CCSAP: variants seen among roughly 807,000 people sequenced by gnomAD.
CCSAP encodes the protein centriole, cilia and spindle associated protein.
A neutral mutation model predicts 25.9 loss-of-function variants in CCSAP; 17 were observed. The ratio of observed to expected loss-of-function variants is 0.66; its 90% CI spans 0.45 to 0.99. The LOEUF (loss-of-function observed/expected upper bound fraction) is 0.99. CCSAP is among the 50% of genes least tolerant of loss of function. The pLI is 0.00. For missense variants in CCSAP, 339 were observed against 367.8 expected (o/e 0.92, Z 0.64); for synonymous variants, 169 against 157.1 (o/e 1.08, Z -0.57).
In CCSAP at chr1:229,324,504, CATATT is replaced by C. The variant is rs1289615002; in HGVS notation, c.*726_*730del. The C allele has an allele frequency of 2.0e-5, 3 of 151,950 alleles. 1 individual carries two copies. Among genetic ancestry groups the C allele is most frequent in the African/African-American group, 7.3e-5 (3 of 41,206 alleles). 9.4% of individuals were successfully genotyped at this position (151,950 alleles called of 1,614,324 possible). ...AGAAACTTTACTACTACTGTACACA[CATATT>C]GTGTTGTGTGCACTTCGTCTATTGG... On this transcript the variant is annotated 3_prime_UTR_variant, in exon 4 of 4. Coordinates refer to ENST00000284617, the MANE Select transcript of CCSAP (RefSeq NM_145257.5).
intron 2 of CCSAP, among the ~76,000 whole-genome samples, chr1:229,329,873 C>A (rs1471345242): frequency 6.6e-6 from 1 of 152,204 alleles, no homozygotes; most frequent in Non-Finnish European, 1.5e-5. Flanking sequence ...CGCCTGTGAT[C>A]TCACCTATTT....
In CCSAP at chr1:229,321,695, TCAA is replaced by T. The variant is rs1213748172; in HGVS notation, c.*3537_*3539del. 6.6e-6 allele frequency: 1 copy of T among 152,206 alleles called. No individual in the cohort carries two copies. Among genetic ancestry groups the T allele is most frequent in the African/African-American group, 2.4e-5 (1 of 41,454 alleles). 9.4% of individuals were successfully genotyped at this position (152,206 alleles called of 1,614,324 possible). ...ATCAAACTGTTTTTTACCAAAGCAG[TCAA>T]CAAGAAAAATTGTTTTACTTCTGAT... On this transcript the variant is annotated 3_prime_UTR_variant, in exon 4 of 4. Transcript: ENST00000284617.
intron 2 of CCSAP, among the ~76,000 whole-genome samples, chr1:229,337,702 C>CATATATATATATATATATATATATAT (rs1394833041): frequency 2.1e-5 from 1 of 48,584 alleles, no homozygotes; most frequent in African/African-American, 8.5e-5. Context: ...TATATATACA[C>CATATATATATATATATATATATATAT]ATACATATAT....
intron 2 of CCSAP, among the ~76,000 whole-genome samples, chr1:229,337,220 C>T (rs1315743071): frequency 1.3e-5 from 2 of 151,808 alleles, no homozygotes; most frequent in South Asian, 2.1e-4. Context: ...TTCAGAACAC[C>T]TCCTAAAAAG....
chr1:229,329,460 T>A (rs1658019128), intron 2 of CCSAP, among the ~76,000 whole-genome samples: 1 of 152,098 alleles, frequency 6.6e-6, no homozygotes, highest in Admixed American at 6.5e-5. Flanking sequence ...GTGGGGGAAA[T>A]AAAGGCTTTA....
At chr1:229,327,425 G>A in intron 2 of CCSAP, 1 of 426,784 alleles carries the variant, frequency 2.3e-6, no homozygotes, top group Non-Finnish European at 4.8e-6. Context: ...GTTGCTGTTT[G>A]AGTTACTCCA....
At chr1:229,325,530 T>C (rs1558248580) in intron 3 of CCSAP, 119 bp from the exon 4 acceptor site, 1 of 810,514 alleles carries the variant, frequency 1.2e-6, no homozygotes, top group Non-Finnish European at 1.9e-6. Context: ...AGTCAAGCCC[T>C]GCCTCTCTAT....
At position 229,342,605 on chromosome 1, in the gene CCSAP, G is replaced by A; in HGVS notation, c.-48-92C>T. 1 of 518,120 alleles carries A rather than the reference G, an allele frequency of 1.9e-6. No individual in the cohort carries two copies. The highest frequency in any genetic ancestry group is 2.9e-6 in the Non-Finnish European group (1 of 339,458). The allele number at this position is 518,120 out of a possible 1,614,324, so 32.1% of individuals were successfully genotyped here. ...TTAAACCCGGAGCCCCGCCCGGACG[G>A]GAGCAGGGGGCGGGTCCCGGCGAGG... is the stretch of plus-strand genomic sequence containing the variant. On this transcript the variant is annotated intron_variant, in intron 1 of 3. Coordinates refer to ENST00000284617, the MANE Select transcript of CCSAP (RefSeq NM_145257.5). This position sits in a 1 kb window ranked among gnomAD's most constrained non-coding sequence, Gnocchi z 7.5.
At position 229,339,207 on chromosome 1, in the gene CCSAP, G is replaced by C. The variant is rs57335972; in HGVS notation, c.367+2892C>G. ...GTGCCCAGCAAAGCAAAGGAAAACA[G>C]ATCTAGATCAAGGAAAAATGTCAGA... On this transcript the variant is annotated intron_variant, in intron 2 of 3. Coordinates refer to ENST00000284617, the MANE Select transcript of CCSAP (RefSeq NM_145257.5). 9.9e-5 allele frequency among the ~76,000 whole-genome samples: 15 copies of C among 151,896 alleles called. 1 individual carries two copies. The East Asian group carries it at 2.7e-3, about 27-fold the overall frequency.
intron 2 of CCSAP, 61 bp from the exon 3 acceptor site, chr1:229,327,067 ATATT>A (rs2102691690): frequency 5.2e-6 from 7 of 1,347,780 alleles, no homozygotes; most frequent in Non-Finnish European, 7.0e-6. Flanking sequence ...TATAATTAAA[ATATT>A]TATGTTGAAA....
intron 2 of CCSAP, among the ~76,000 whole-genome samples, chr1:229,333,205 G>A (rs1224516126): frequency 3.9e-5 from 6 of 152,074 alleles, no homozygotes; most frequent in African/African-American, 1.4e-4. Context: ...GGCCAAGGCG[G>A]GCAGATCACG....
chr1:229,337,678 A>AAAAATATATATATATATATAT, intron 2 of CCSAP, among the ~76,000 whole-genome samples: 1 of 65,546 alleles, frequency 1.5e-5, no homozygotes, highest in African/African-American at 6.0e-5. Flanking sequence ...CTCAAAAAAA[A>AAAAATATATATATATATATAT]ATATATATAT....
At position 229,321,262 on chromosome 1, in the gene CCSAP, G is replaced by T. The variant is rs936372351; in HGVS notation, c.*3973C>A. ...TATTAGAAGAGAAATCCAAAAAGAG[G>T]CCTCTACTGCCTTCATTCAAGTGTC... On this transcript the variant is annotated 3_prime_UTR_variant, in exon 4 of 4. Coordinates refer to ENST00000284617, the MANE Select transcript of CCSAP (RefSeq NM_145257.5). 5.3e-5 allele frequency: 8 copies of T among 152,092 alleles called. No homozygotes were observed. The highest frequency in any genetic ancestry group is 1.7e-4 in the African/African-American group (7 of 41,412). The allele number at this position is 152,092 out of a possible 1,614,324, so 9.4% of individuals were successfully genotyped here.
At position 229,322,283 on chromosome 1, in the gene CCSAP, T is replaced by G. The variant is rs1170535334; in HGVS notation, c.*2952A>C. 6.6e-6 allele frequency: 1 copy of G among 152,218 alleles called. No individual in the cohort carries two copies. Among genetic ancestry groups the G allele is most frequent in the East Asian group, 1.9e-4 (1 of 5,202 alleles). The allele number at this position is 152,218 out of a possible 1,614,324, so 9.4% of individuals were successfully genotyped here. On this transcript the variant is annotated 3_prime_UTR_variant, in exon 4 of 4. Coordinates refer to ENST00000284617, the MANE Select transcript of CCSAP (RefSeq NM_145257.5). ...TTCCAATAACAGCCATCTTGCTTGC[T>G]CTCGTTCTTACAATTTAGTCAGCTG...
intron 2 of CCSAP, among the ~76,000 whole-genome samples, chr1:229,341,276 A>G (rs1300125178): frequency 6.6e-6 from 1 of 152,076 alleles, no homozygotes; most frequent in South Asian, 2.1e-4. Context: ...ATATTCCCAG[A>G]TCAGTGACTG....
intron 2 of CCSAP, among the ~76,000 whole-genome samples, chr1:229,340,038 T>C (rs1233701086): frequency 6.6e-6 from 1 of 152,226 alleles, no homozygotes; most frequent in Admixed American, 6.5e-5. Flanking sequence ...GGGTGTTATG[T>C]ATGGCATAGG....
chr1:229,334,215 C>T lies in CCSAP; in HGVS notation c.368-7209G>A, dbSNP rs977576869. Among the ~76,000 whole-genome samples the T allele has an allele frequency of 8.5e-5, 13 of 152,094 alleles. No homozygotes were observed. In the East Asian group the frequency reaches 9.6e-4, roughly 11 times the overall value. On this transcript the variant is annotated intron_variant, in intron 2 of 3. Coordinates refer to ENST00000284617, the MANE Select transcript of CCSAP (RefSeq NM_145257.5). ...CCACCCAAATAGCTGGGATTACAGGCGCACGCCACCACACCCACCTAATTT... is the reference window on the plus strand; with the variant it reads ...CCACCCAAATAGCTGGGATTACAGGTGCACGCCACCACACCCACCTAATTT...
chr1:229,337,678 A>AAAAAAAATATATATATATATAT, intron 2 of CCSAP, among the ~76,000 whole-genome samples: 12 of 65,500 alleles, frequency 1.8e-4, no homozygotes, highest in African/African-American at 6.6e-4. Context: ...CTCAAAAAAA[A>AAAAAAAATATATATATATATAT]ATATATATAT....
intron 2 of CCSAP, among the ~76,000 whole-genome samples, chr1:229,340,787 C>T (rs937621593): frequency 2.0e-5 from 3 of 152,218 alleles, no homozygotes; most frequent in Admixed American, 2.0e-4. Context: ...ATCTCCTCCT[C>T]AGCCTCTCAC....
Sources: gnomAD v4.1 joint callset for allele counts (sites outside exome capture counted in the v4.1 genomes callset) on GRCh38, gnomAD v4.1.1 for gene constraint, Gnocchi (gnomAD v3.1) non-coding constraint, MANE v1.5 for transcripts, NCBI Gene and HGNC (gene_info 2026-07-23, HGNC 2026-07-21) for gene names.